CNTLN: variants seen among roughly 807,000 people sequenced by gnomAD.
CNTLN encodes the protein centlein, centrosomal protein.
In CNTLN, 212 loss-of-function variants were observed where a neutral mutation model predicts 180.0. That is an observed-to-expected ratio of 1.18 (90% CI 1.05 to 1.32). The LOEUF (loss-of-function observed/expected upper bound fraction) is 1.32, where lower values mean the gene tolerates loss of function less well. CNTLN is among the 40% of genes most tolerant of loss of function. The pLI is 0.00. For missense variants in CNTLN, 2,095 were observed against 1,610.9 expected (o/e 1.30, Z -5.14); for synonymous variants, 722 against 563.1 (o/e 1.28, Z -3.99).
chr9:17,327,532 T>G (rs926540233), intron 8 of CNTLN, among the ~76,000 whole-genome samples: 6 of 151,178 alleles, frequency 4.0e-5, no homozygotes, highest in African/African-American at 1.2e-4. Context: ...TATCACAAAC[T>G]TACTAGTAGG....
chr9:17,398,057 T>A (rs1219790749), intron 15 of CNTLN, among the ~76,000 whole-genome samples: 2 of 152,126 alleles, frequency 1.3e-5, no homozygotes, highest in East Asian at 3.9e-4. Flanking sequence ...TATAAAATAC[T>A]ATATCATATG....
intron 5 of CNTLN, among the ~76,000 whole-genome samples, chr9:17,248,074 T>C (rs1376042764): frequency 6.6e-6 from 1 of 152,146 alleles, no homozygotes; most frequent in Non-Finnish European, 1.5e-5. Flanking sequence ...TTCACCTACC[T>C]CAACCTCCCA....
chr9:17,340,426 A>T (rs569743441), intron 10 of CNTLN, among the ~76,000 whole-genome samples: 107 of 152,314 alleles, frequency 7.0e-4, no homozygotes, highest in African/African-American at 2.5e-3. Context: ...TACTCTGATT[A>T]ATGTTCTTAT....
intron 7 of CNTLN, chr9:17,298,855 T>C (rs2132798629): frequency 1.0e-6 from 1 of 985,546 alleles, no homozygotes; most frequent in African/African-American, 1.7e-5. Flanking sequence ...TCTTTTACTT[T>C]ACAGTTGTTT....
At position 17,495,554 on chromosome 9, in the gene CNTLN, A is replaced by G. The variant is rs139435884; in HGVS notation, c.4120-6997A>G. Among the ~76,000 whole-genome samples the G allele has an allele frequency of 5.9e-3, 896 of 152,342 alleles. 11 individuals carry two copies. Among genetic ancestry groups the G allele is most frequent in the African/African-American group, 0.02 (833 of 41,578 alleles). ...GTACAGTATGTTTATGTTTTAAGCT[A>G]AGTGTTCTTACATGAGTCAAAAATT... is the stretch of plus-strand genomic sequence containing the variant. On this transcript the variant is annotated intron_variant, in intron 25 of 25. Transcript: ENST00000380647.
chr9:17,454,021 A>G (rs1046917604), intron 18 of CNTLN, among the ~76,000 whole-genome samples: 1 of 152,198 alleles, frequency 6.6e-6, no homozygotes, highest in East Asian at 1.9e-4. Flanking sequence ...TAATGTAATC[A>G]TGGGAATGAT....
chr9:17,440,216 G>T (rs569898886), intron 18 of CNTLN, among the ~76,000 whole-genome samples: 2 of 151,994 alleles, frequency 1.3e-5, no homozygotes, highest in African/African-American at 4.8e-5. Flanking sequence ...ACAGATCCTC[G>T]CAAAGTGAAA....
chr9:17,244,473 C>A (rs1161464620), intron 5 of CNTLN, among the ~76,000 whole-genome samples: 1 of 152,160 alleles, frequency 6.6e-6, no homozygotes, highest in Non-Finnish European at 1.5e-5. Context: ...CTGCCTCTGC[C>A]TTCCAAAGTG....
intron 18 of CNTLN, among the ~76,000 whole-genome samples, chr9:17,441,093 A>G (rs1830082314): frequency 6.6e-6 from 1 of 152,250 alleles, no homozygotes; most frequent in South Asian, 2.1e-4. Context: ...AAACGTGCCA[A>G]CCAAGAATAT....
In CNTLN at chr9:17,301,050, G is replaced by A. The variant is rs1818309174; in HGVS notation, c.1146+2698G>A. ...AGGGAAATATGGGAGCATAACTGGG[G>A]GCCTGTTCCAAGACTAAGGATAAAG... On this transcript the variant is annotated intron_variant, in intron 7 of 25. Coordinates refer to ENST00000380647, the MANE Select transcript of CNTLN (RefSeq NM_017738.4). The A allele has an allele frequency of 4.1e-6, 4 of 985,106 alleles. No homozygotes were observed. The African/African-American group carries it at 7.0e-5, about 17-fold the overall frequency. 61.0% of individuals were successfully genotyped at this position (985,106 alleles called of 1,614,324 possible).
At chr9:17,441,281 G>C (rs1288371830) in intron 18 of CNTLN, among the ~76,000 whole-genome samples, 1 of 152,080 alleles carries the variant, frequency 6.6e-6, no homozygotes, top group African/African-American at 2.4e-5. Flanking sequence ...AAGTATAAAG[G>C]TCACTGGTAA....
At chr9:17,326,105 T>G (rs191978995) in intron 8 of CNTLN, among the ~76,000 whole-genome samples, 1 of 152,224 alleles carries the variant, frequency 6.6e-6, no homozygotes, top group Admixed American at 6.5e-5. Context: ...TCAATTAAAA[T>G]TAGCTCTGTG....
chr9:17,465,236 A>C (rs1276328891), intron 21 of CNTLN, among the ~76,000 whole-genome samples: 2 of 150,372 alleles, frequency 1.3e-5, no homozygotes, highest in African/African-American at 4.9e-5. Flanking sequence ...TTCCTTGTTG[A>C]AAATGAAAAT....
At chr9:17,296,140 C>G (rs921141449) in intron 6 of CNTLN, among the ~76,000 whole-genome samples, 9 of 151,670 alleles carry the variant, frequency 5.9e-5, no homozygotes, top group Admixed American at 1.3e-4. Flanking sequence ...GTAGCTGGAA[C>G]TACAGATGTA....
At chr9:17,447,338 G>C (rs142229031) in intron 18 of CNTLN, 47 of 199,568 alleles carry the variant, frequency 2.4e-4, no homozygotes, top group South Asian at 5.1e-4. Context: ...CCCCATAGTT[G>C]AGGTTGCAGA....
chr9:17,354,701 C>G (rs1315846378), intron 12 of CNTLN, among the ~76,000 whole-genome samples: 2 of 152,092 alleles, frequency 1.3e-5, no homozygotes, highest in East Asian at 3.9e-4. Flanking sequence ...CCACTTGGCT[C>G]TACCAATCAG....
intron 13 of CNTLN, among the ~76,000 whole-genome samples, chr9:17,370,331 A>G (rs1438086888): frequency 6.6e-6 from 1 of 152,190 alleles, no homozygotes; most frequent in African/African-American, 2.4e-5. Context: ...AATAACATAC[A>G]ATGGAGCTTC....
intron 5 of CNTLN, among the ~76,000 whole-genome samples, chr9:17,239,696 T>A (rs1398577714): frequency 2.6e-5 from 4 of 152,202 alleles, no homozygotes; most frequent in African/African-American, 9.6e-5. Context: ...TGTTATTTAG[T>A]TGTTTCAGCA....
chr9:17,489,101 C>T (rs1380540695), intron 25 of CNTLN, among the ~76,000 whole-genome samples: 2 of 152,056 alleles, frequency 1.3e-5, no homozygotes, highest in Admixed American at 6.6e-5. Context: ...TTTATAATTA[C>T]ACCCAAGAGA....
Sources: gnomAD v4.1 joint callset for allele counts (sites outside exome capture counted in the v4.1 genomes callset) on GRCh38, gnomAD v4.1.1 for gene constraint, MANE v1.5 for transcripts, NCBI Gene and HGNC (gene_info 2026-07-23, HGNC 2026-07-21) for gene names.